Variants in SAP130 observed in about 807,000 individuals in gnomAD.
SAP130 encodes Sin3A associated protein 130.
Under a neutral mutation model 103.2 loss-of-function variants are expected in SAP130, and 16 were observed. The ratio of observed to expected loss-of-function variants is 0.16; its 90% CI spans 0.10 to 0.24. The LOEUF is 0.24. Ranked by LOEUF, SAP130 falls within the 10% of genes least tolerant of loss-of-function variation. The pLI, the probability that SAP130 is intolerant of heterozygous loss-of-function variation, is 1.00. For missense variants in SAP130, 990 were observed against 1,359.7 expected (o/e 0.73, Z 4.28); for synonymous variants, 477 against 497.0 (o/e 0.96, Z 0.53).
chr2:127,966,372 A>C (rs1243730334), intron 15 of SAP130, among the ~76,000 whole-genome samples: 1 of 151,698 alleles, frequency 6.6e-6, no homozygotes, highest in East Asian at 2.0e-4. Flanking sequence ...TAAAACAAAC[A>C]AACTTCATTG....
intron 1 of SAP130, among the ~76,000 whole-genome samples, chr2:128,027,645 G>A (rs1160335769): frequency 9.5e-5 from 2 of 20,982 alleles, no homozygotes; most frequent in South Asian, 2.1e-3. Context: ...CCGCCCGCCC[G>A]CGCTCCCCCG....
At chr2:128,027,655 G>T in intron 1 of SAP130, among the ~76,000 whole-genome samples, 2 of 14,634 alleles carry the variant, frequency 1.4e-4, no homozygotes, top group Non-Finnish European at 2.8e-4. Context: ...GCGCTCCCCC[G>T]GCCGCTCTGC....
At chr2:127,970,317 G>A (rs1413390865) in intron 15 of SAP130, among the ~76,000 whole-genome samples, 3 of 149,280 alleles carry the variant, frequency 2.0e-5, no homozygotes, top group Non-Finnish European at 4.5e-5. Context: ...CCGAGGCGGA[G>A]GGATCATGAG....
chr2:127,958,139 G>A (rs1470549118), intron 15 of SAP130, among the ~76,000 whole-genome samples: 5 of 152,218 alleles, frequency 3.3e-5, no homozygotes, highest in African/African-American at 7.2e-5. Context: ...AAAAGGCTGG[G>A]CACAGTGGCT....
At chr2:128,018,483 C>CAAAAAAAAAAAAAAAAAAAAA (rs759445928) in intron 2 of SAP130, among the ~76,000 whole-genome samples, 6 of 69,472 alleles carry the variant, frequency 8.6e-5, no homozygotes, top group African/African-American at 3.9e-4. Context: ...AGATTGTCTC[C>CAAAAAAAAAAAAAAAAAAAAA]AAAAAAAAAA....
chr2:127,982,713 A>G (rs1682042588), intron 14 of SAP130, among the ~76,000 whole-genome samples: 1 of 152,234 alleles, frequency 6.6e-6, no homozygotes, highest in South Asian at 2.1e-4. Context: ...GCGTAAATGA[A>G]GCAGAAAGTT....
chr2:127,961,000 T>C (rs960480565), intron 15 of SAP130, among the ~76,000 whole-genome samples: 9 of 151,264 alleles, frequency 5.9e-5, no homozygotes, highest in Non-Finnish European at 7.4e-5. Flanking sequence ...TTTCTTTTTT[T>C]TTTTTTTTTG....
In SAP130 at chr2:127,996,237, GAA is replaced by G; in HGVS notation, c.1355+111_1355+112del. 9.5e-7 allele frequency: 1 copy of G among 1,049,210 alleles called. No homozygotes were observed. The highest frequency in any genetic ancestry group is 1.3e-6 in the Non-Finnish European group (1 of 785,772). 65.0% of individuals were successfully genotyped at this position (1,049,210 alleles called of 1,614,324 possible). On this transcript the variant is annotated intron_variant, in intron 11 of 20. Transcript: ENST00000643581. This position sits in a 1 kb window ranked among gnomAD's most constrained non-coding sequence, Gnocchi z 4.3. ...AAGTGTTACTTTCAGGGGAAAATCT[GAA>G]AACATGAGTAATAAATATAGGCCAT... is the stretch of plus-strand genomic sequence containing the variant.
At chr2:128,008,251 G>C (rs1440363203) in intron 7 of SAP130, among the ~76,000 whole-genome samples, 2 of 152,250 alleles carry the variant, frequency 1.3e-5, no homozygotes, top group African/African-American at 4.8e-5. Context: ...AATGTGACTT[G>C]GAGATCATGA....
chr2:128,011,363 A>C (rs1287718921), intron 6 of SAP130, among the ~76,000 whole-genome samples: 1 of 152,082 alleles, frequency 6.6e-6, no homozygotes, highest in Non-Finnish European at 1.5e-5. Flanking sequence ...CCACATACCC[A>C]CCATTATTCT....
At chr2:127,949,842 A>C (rs1355297978) in intron 18 of SAP130, 27 bp downstream of exon 18, 4 of 1,610,838 alleles carry the variant, frequency 2.5e-6, no homozygotes, top group Admixed American at 3.3e-5. Flanking sequence ...TCATGCATTA[A>C]TATCAAGTGT....
In SAP130 at chr2:127,941,817, A is replaced by G; in HGVS notation, c.*189T>C. On this transcript the variant is annotated 3_prime_UTR_variant, in exon 21 of 21. Transcript: ENST00000643581. ...GGGGTGCACCCGAACGCAAGAAGGC[A>G]GCTCACTATGTCCAGTCAGCTCTGA... 1.7e-6 allele frequency: 1 copy of G among 585,194 alleles called. No individual in the cohort carries two copies. The highest frequency in any genetic ancestry group is 3.0e-6 in the Non-Finnish European group (1 of 337,642). The allele number at this position is 585,194 out of a possible 1,614,324, so 36.3% of individuals were successfully genotyped here.
Position 127,961,670 on chromosome 2 carries a change from T to C in SAP130, c.2064-6326A>G, listed in dbSNP as rs190288764. On this transcript the variant is annotated intron_variant, in intron 15 of 20. Coordinates refer to ENST00000643581, the MANE Select transcript of SAP130 (RefSeq NM_001330301.2). ...AAACTATAAATTTAACTGGGAATATTTGGAGGCGGAAGGTGAGCGGAATGC... is the reference window on the plus strand; with the variant it reads ...AAACTATAAATTTAACTGGGAATATCTGGAGGCGGAAGGTGAGCGGAATGC... Among the ~76,000 whole-genome samples, 513 of 152,208 alleles carry C rather than the reference T, an allele frequency of 3.4e-3. 2 individuals carry two copies. Among genetic ancestry groups the C allele is most frequent in the African/African-American group, 0.012 (479 of 41,538 alleles).
chr2:127,947,026 GGAGA>G (rs930255829), intron 18 of SAP130, among the ~76,000 whole-genome samples: 2 of 149,836 alleles, frequency 1.3e-5, no homozygotes, highest in African/African-American at 4.9e-5. Flanking sequence ...GGGGAGAGAA[GGAGA>G]GAGAGAGAGA....
chr2:127,971,917 A>C (rs1431921011), intron 15 of SAP130, among the ~76,000 whole-genome samples: 1 of 152,240 alleles, frequency 6.6e-6, no homozygotes, highest in African/African-American at 2.4e-5. Context: ...AATTTTAATT[A>C]TCTTCATATT....
At chr2:127,945,938 C>G (rs560298444) in intron 18 of SAP130, among the ~76,000 whole-genome samples, 53 of 152,308 alleles carry the variant, frequency 3.5e-4, no homozygotes, top group African/African-American at 1.3e-3. Context: ...TAGGCATGAG[C>G]TGCCGTACCT....
Position 127,955,363 on chromosome 2 carries a change from G to A in SAP130, c.2064-19C>T. On this transcript the variant is annotated intron_variant, in intron 15 of 20. Coordinates refer to ENST00000643581, the MANE Select transcript of SAP130 (RefSeq NM_001330301.2). The surrounding 1 kb of genome is among the most constrained non-coding windows in gnomAD (Gnocchi z 4.9). ...TTTGGCACTAAAACACAAAAGAAAA[G>A]CACATGTAGCAAATAAGAAAAAAAC... 4 of 1,506,514 alleles carry A rather than the reference G, an allele frequency of 2.7e-6. No homozygotes were observed. In the South Asian group the frequency reaches 5.3e-5, roughly 20 times the overall value. 93.3% of individuals were successfully genotyped at this position (1,506,514 alleles called of 1,614,324 possible).
chr2:128,011,652 A>G lies in SAP130; in HGVS notation c.745-1259T>C, dbSNP rs553136904. Among the ~76,000 whole-genome samples the G allele has an allele frequency of 2.6e-5, 4 of 152,284 alleles. No homozygotes were observed. In the East Asian group the frequency reaches 5.8e-4, roughly 22 times the overall value. ...CTCCGACTCTGTTTTCTTGGCCAGA[A>G]AAGTATTTATCTTGAAAGCTGTAGG... On this transcript the variant is annotated intron_variant, in intron 6 of 20. Coordinates refer to ENST00000643581, the MANE Select transcript of SAP130 (RefSeq NM_001330301.2).
intron 19 of SAP130, among the ~76,000 whole-genome samples, chr2:127,943,525 T>C (rs1461323222): frequency 2.0e-5 from 3 of 152,242 alleles, no homozygotes; most frequent in Non-Finnish European, 2.9e-5. Flanking sequence ...GACTATATGA[T>C]AGAGCCTACT....
Sources: gnomAD v4.1 joint callset for allele counts (sites outside exome capture counted in the v4.1 genomes callset) on GRCh38, gnomAD v4.1.1 for gene constraint, Gnocchi (gnomAD v3.1) non-coding constraint, MANE v1.5 for transcripts, NCBI Gene and HGNC (gene_info 2026-07-23, HGNC 2026-07-21) for gene names.